NTNG1: variants seen among roughly 807,000 people sequenced by gnomAD.
NTNG1 encodes netrin G1.
Under a neutral mutation model 54.0 loss-of-function variants are expected in NTNG1, and 16 were observed. The ratio of observed to expected loss-of-function variants is 0.30; its 90% confidence interval spans 0.20 to 0.45. The LOEUF is 0.45. NTNG1 is among the 20% of genes least tolerant of loss of function. NTNG1 has a pLI of 1.00. For synonymous variants in NTNG1, 255 were observed against 263.1 expected, an observed-to-expected ratio of 0.97 and a Z score of 0.30; for missense variants, 530 against 678.7, an observed-to-expected ratio of 0.78 and a Z score of 2.43.
intron 2 of NTNG1, among the ~76,000 whole-genome samples, chr1:107,259,314 G>C (rs1663141433): frequency 6.6e-6 from 1 of 151,952 alleles, no homozygotes; most frequent in South Asian, 2.1e-4. Context: ...CTAGATCAAG[G>C]TAGCAAGTGT....
At chr1:107,228,574 TTGACTGTA>T (rs1660838943) in intron 2 of NTNG1, among the ~76,000 whole-genome samples, 1 of 152,186 alleles carries the variant, frequency 6.6e-6, no homozygotes, top group Non-Finnish European at 1.5e-5. Context: ...ATAATTAATA[TTGACTGTA>T]TGACTACTAC....
At chr1:107,311,423 A>T (rs1351308106) in intron 2 of NTNG1, among the ~76,000 whole-genome samples, 2 of 152,194 alleles carry the variant, frequency 1.3e-5, no homozygotes, top group South Asian at 2.1e-4. Context: ...GAACTGGGAC[A>T]TAATTGCAGC....
intron 4 of NTNG1, among the ~76,000 whole-genome samples, chr1:107,404,437 A>C (rs546583251): frequency 6.6e-6 from 1 of 152,284 alleles, no homozygotes; most frequent in Non-Finnish European, 1.5e-5. Context: ...ATGTATTGTT[A>C]ATATTAACAA....
chr1:107,275,158 C>G (rs1664385171), intron 2 of NTNG1, among the ~76,000 whole-genome samples: 1 of 152,122 alleles, frequency 6.6e-6, no homozygotes, highest in African/African-American at 2.4e-5. Context: ...AGGTGGATCA[C>G]CTGAGGTCAG....
intron 2 of NTNG1, among the ~76,000 whole-genome samples, chr1:107,242,878 G>A (rs888618997): frequency 1.3e-5 from 2 of 152,112 alleles, no homozygotes; most frequent in African/African-American, 4.8e-5. Flanking sequence ...AGAGTTGAAT[G>A]CAACCAGAGA....
At position 107,241,473 on chromosome 1, in the gene NTNG1, G is replaced by A. The variant is rs145784752; in HGVS notation, c.247-82809G>A. 3.9e-4 allele frequency among the ~76,000 whole-genome samples: 60 copies of A among 152,172 alleles called. No homozygotes were observed. The East Asian group carries it at 0.011, about 27-fold the overall frequency. On this transcript the variant is annotated intron_variant, in intron 2 of 7. Coordinates refer to ENST00000370068, the MANE Select transcript of NTNG1 (RefSeq NM_001113226.3). Reference sequence around the variant, plus strand: ...TAATGTCCAAATATAACTGAATTCCGCATTGTGATAGGATATTAGTAAAGA... The same window carrying A: ...TAATGTCCAAATATAACTGAATTCCACATTGTGATAGGATATTAGTAAAGA...
chr1:107,460,327 G>T, intron 7 of NTNG1: 5 of 513,494 alleles, frequency 9.7e-6, no homozygotes, highest in Middle Eastern at 3.2e-4. Flanking sequence ...TCGCTCCTCT[G>T]CTCTTACTGT....
At chr1:107,302,500 T>G (rs1666385628) in intron 2 of NTNG1, among the ~76,000 whole-genome samples, 1 of 152,072 alleles carries the variant, frequency 6.6e-6, no homozygotes, top group Admixed American at 6.6e-5. Context: ...AAAGCAAAAC[T>G]TGGGCCTGTT....
chr1:107,316,588 C>T (rs940677317), intron 2 of NTNG1, among the ~76,000 whole-genome samples: 1 of 152,126 alleles, frequency 6.6e-6, no homozygotes. Context: ...ATTGTTTTTG[C>T]ATTTTACCCC....
intron 3 of NTNG1, among the ~76,000 whole-genome samples, chr1:107,391,627 G>T (rs1192316310): frequency 1.3e-5 from 2 of 152,050 alleles, no homozygotes; most frequent in Non-Finnish European, 2.9e-5. Flanking sequence ...TTCTGATGAG[G>T]GCCTCAGGAA....
intron 3 of NTNG1, among the ~76,000 whole-genome samples, chr1:107,375,668 A>T (rs1212110817): frequency 6.6e-6 from 1 of 152,200 alleles, no homozygotes; most frequent in African/African-American, 2.4e-5. Context: ...CCAAAAAGGG[A>T]TTACAACCCA....
At chr1:107,181,600 G>T (rs906448343) in intron 2 of NTNG1, among the ~76,000 whole-genome samples, 5 of 40,634 alleles carry the variant, frequency 1.2e-4, no homozygotes, top group African/African-American at 3.2e-4. Context: ...ACAAATAATC[G>T]CAGATTACAG....
intron 2 of NTNG1, among the ~76,000 whole-genome samples, chr1:107,200,393 G>A (rs1375255379): frequency 1.3e-5 from 2 of 151,728 alleles, no homozygotes; most frequent in African/African-American, 4.8e-5. Flanking sequence ...TATGGTCTGT[G>A]GTTGAACTTA....
chr1:107,358,888 GT>G (rs1022720238), intron 3 of NTNG1, among the ~76,000 whole-genome samples: 1 of 152,104 alleles, frequency 6.6e-6, no homozygotes, highest in African/African-American at 2.4e-5. Flanking sequence ...TTTATGCTAG[GT>G]TTTCTCTGTT....
intron 7 of NTNG1, among the ~76,000 whole-genome samples, chr1:107,467,648 C>T (rs528737978): frequency 3.3e-5 from 5 of 152,176 alleles, no homozygotes; most frequent in African/African-American, 1.2e-4. Context: ...CTTTGTGGTT[C>T]AAATTTTGAG....
At chr1:107,331,657 A>G (rs1668288265) in intron 3 of NTNG1, among the ~76,000 whole-genome samples, 1 of 152,154 alleles carries the variant, frequency 6.6e-6, no homozygotes, top group Non-Finnish European at 1.5e-5. Flanking sequence ...AACAAGTCAT[A>G]TATCTTAATG....
At chr1:107,345,946 A>AGAAGG (rs1448143815) in intron 3 of NTNG1, among the ~76,000 whole-genome samples, 1 of 152,072 alleles carries the variant, frequency 6.6e-6, no homozygotes, top group Non-Finnish European at 1.5e-5. Flanking sequence ...CTATTTTCTG[A>AGAAGG]GAAGGGATTT....
intron 2 of NTNG1, among the ~76,000 whole-genome samples, chr1:107,287,702 TC>T (rs1297124145): frequency 1.3e-5 from 2 of 152,142 alleles, no homozygotes; most frequent in African/African-American, 4.8e-5. Flanking sequence ...TGACTTTTAT[TC>T]TCTAGGTGGG....
upstream of NTNG1, chr1:107,140,835 A>G (rs1466805611): frequency 6.6e-6 from 1 of 152,416 alleles, no homozygotes; most frequent in African/African-American, 2.4e-5. Context: ...GTTTAAGGCG[A>G]GAAGTGTCAG....
Sources: gnomAD v4.1 joint callset for allele counts (sites outside exome capture counted in the v4.1 genomes callset) on GRCh38, gnomAD v4.1.1 for gene constraint, MANE v1.5 for transcripts, NCBI Gene and HGNC (gene_info 2026-07-23, HGNC 2026-07-21) for gene names.